The following FCN2 variants were observed in gnomAD, a reference collection of about 807,000 sequenced individuals.
The protein encoded by FCN2 is ficolin 2, also known as ficolin-2.
FCN2 carries 31 observed loss-of-function variants against 32.5 expected under a neutral mutation model. The observed-to-expected ratio is 0.96, with a 90% CI of 0.72 to 1.29. The LOEUF is 1.29. Ranked by LOEUF, FCN2 falls within the 50% of genes most tolerant of loss-of-function variation. The pLI is 0.00. For synonymous variants in FCN2, 181 were observed against 164.5 expected (o/e 1.10, Z -0.77); for missense variants, 412 against 406.5 (o/e 1.01, Z -0.12).
upstream of FCN2, among the ~76,000 whole-genome samples, chr9:134,879,210 A>G (rs1432463280): frequency 6.6e-6 from 1 of 152,202 alleles, no homozygotes; most frequent in African/African-American, 2.4e-5. Context: ...CAATTACTCA[A>G]TTGGCCATTT....
intron 4 of FCN2, 51 bp from the exon 5 acceptor site, chr9:134,885,188 G>GCCCTGCCCAGGGCTCCTGTC (rs1215880566): frequency 3.1e-6 from 5 of 1,612,886 alleles, no homozygotes; most frequent in Non-Finnish European, 4.2e-6. Context: ...TACTGCCTGT[G>GCCCTGCCCAGGGCTCCTGTC]CCCTGCCCAG....
chr9:134,879,718 A>G (rs1472473479), upstream of FCN2, among the ~76,000 whole-genome samples: 2 of 152,158 alleles, frequency 1.3e-5, no homozygotes, highest in Non-Finnish European at 2.9e-5. Flanking sequence ...CTCCATGGGC[A>G]TTGAAGGAAA....
chr9:134,867,732 CT>C, the FCN2 span, among the ~76,000 whole-genome samples: 1 of 151,732 alleles, frequency 6.6e-6, no homozygotes, highest in Non-Finnish European at 1.5e-5. Context: ...GCTCTGTGTC[CT>C]TGGACCCCAC....
At chr9:134,883,981 G>C (rs556956490) in intron 3 of FCN2, among the ~76,000 whole-genome samples, 81 of 150,230 alleles carry the variant, frequency 5.4e-4, no homozygotes, top group African/African-American at 1.6e-3. Flanking sequence ...TGAGAGGGTG[G>C]GGGGGGATTG....
the FCN2 span, among the ~76,000 whole-genome samples, chr9:134,864,700 A>G: frequency 2.0e-5 from 3 of 152,118 alleles, no homozygotes; most frequent in Admixed American, 6.5e-5. Context: ...CCTTAGAGCG[A>G]TCACACTCCG....
intron 6 of FCN2, 150 bp from the exon 7 acceptor site, chr9:134,886,280 G>A (rs1368621499): frequency 7.7e-6 from 7 of 914,392 alleles, no homozygotes; most frequent in African/African-American, 6.5e-5. Flanking sequence ...CCGGGTCAGA[G>A]CTACACAGGC....
chr9:134,878,830 C>T (rs933052636), upstream of FCN2, among the ~76,000 whole-genome samples: 10 of 151,864 alleles, frequency 6.6e-5, no homozygotes, highest in Non-Finnish European at 1.2e-4. Flanking sequence ...GCAACAAGAG[C>T]GAAACTCCGT....
chr9:134,874,534 T>C, the FCN2 span, among the ~76,000 whole-genome samples: 1 of 152,248 alleles, frequency 6.6e-6, no homozygotes, highest in African/African-American at 2.4e-5. Flanking sequence ...CACGTAGGTC[T>C]ATTTCTAAAA....
the FCN2 span, among the ~76,000 whole-genome samples, chr9:134,871,132 T>C: frequency 5.9e-5 from 9 of 152,218 alleles, no homozygotes; most frequent in Non-Finnish European, 1.2e-4. Context: ...TGGGCAGGCC[T>C]GGGTTTTATT....
the FCN2 span, among the ~76,000 whole-genome samples, chr9:134,864,678 C>T: frequency 3.3e-5 from 5 of 152,264 alleles, no homozygotes; most frequent in South Asian, 4.2e-4. Context: ...GTCAGCCCCC[C>T]GGTGGGTAGA....
chr9:134,880,776 A>G (rs748047883), upstream of FCN2: 3 of 1,450,870 alleles, frequency 2.1e-6, no homozygotes, highest in Non-Finnish European at 9.7e-7. Context: ...TGGCTTCTCT[A>G]GCCCTATAAG....
chr9:134,884,367 G>C (rs7041633), intron 3 of FCN2, among the ~76,000 whole-genome samples: 75,025 of 151,696 alleles, frequency 0.49, 19,000 homozygotes, highest in African/African-American at 0.61. Context: ...TGCCCACACC[G>C]CAAACAACAC....
rs772906937 is a variant in FCN2, at chr9:134,885,242, C to T, written c.305C>T (p.Pro102Leu). The part of the protein sequence containing the change: ...PGEPQPCLTG[P>L]RTCKDLLDRG... ...ATTCCCCGGGTTCCCTTCCCAGGCC[C>T]GCGTACCTGCAAGGACCTGCTAGAC... Residue 102 changes from proline to leucine, a missense_variant, in exon 5 of 8, where the codon CCG becomes CTG. Pro to Leu is a moderately conservative substitution (Grantham distance 98, BLOSUM62 -3). Transcript: ENST00000291744. 2.1e-5 allele frequency: 34 copies of T among 1,613,968 alleles called. No individual in the cohort carries two copies. The highest frequency in any genetic ancestry group is 1.3e-4 in the East Asian group (6 of 44,868).
intron 2 of FCN2, among the ~76,000 whole-genome samples, chr9:134,882,965 T>A (rs572392969): frequency 6.6e-6 from 1 of 152,312 alleles, no homozygotes; most frequent in South Asian, 2.1e-4. Context: ...GCCATGACAC[T>A]CTTCTCCACC....
chr9:134,886,970 A>C (rs1830766783), intron 7 of FCN2, among the ~76,000 whole-genome samples, 198 bp from the exon 8 acceptor site: 1 of 152,160 alleles, frequency 6.6e-6, no homozygotes, highest in South Asian at 2.1e-4. Context: ...GCTAGACCTA[A>C]AGACAATTTG....
At chr9:134,882,496 C>T (rs376408350) in intron 1 of FCN2, 30 bp from the exon 2 acceptor site, 7 of 1,575,176 alleles carry the variant, frequency 4.4e-6, no homozygotes, top group Non-Finnish European at 4.4e-6. Flanking sequence ...GCCCAGGTGA[C>T]ACTGAGTGGC....
At chr9:134,865,275 G>C in the FCN2 span, among the ~76,000 whole-genome samples, 2 of 152,200 alleles carry the variant, frequency 1.3e-5, no homozygotes, top group African/African-American at 2.4e-5. Flanking sequence ...CCACCTTCTG[G>C]GGGAGGCTCT....
upstream of FCN2, among the ~76,000 whole-genome samples, chr9:134,879,234 T>C (rs185911121): frequency 4.4e-4 from 67 of 152,364 alleles, 1 homozygote; most frequent in East Asian, 9.4e-3. Flanking sequence ...GTTGAAGTTA[T>C]CCTGCACCCA....
upstream of FCN2, among the ~76,000 whole-genome samples, chr9:134,878,898 C>T (rs1288930241): frequency 1.3e-5 from 2 of 152,172 alleles, no homozygotes; most frequent in Admixed American, 6.5e-5. Flanking sequence ...AAAAGTGTGA[C>T]TTATAAACCT....
Sources: allele counts gnomAD v4.1 joint callset (sites outside exome capture counted in the v4.1 genomes callset), GRCh38; gene constraint gnomAD v4.1.1; transcripts MANE v1.5; gene names NCBI Gene and HGNC (gene_info 2026-07-23, HGNC 2026-07-21).